Variants in GOSR1 observed in about 807,000 individuals in gnomAD.
GOSR1 encodes 28 kDa Golgi SNARE protein.
In GOSR1, 21 loss-of-function variants were observed where a neutral mutation model predicts 35.5. The observed-to-expected ratio is 0.59, with a 90% CI of 0.42 to 0.85. The LOEUF is 0.85. GOSR1 is among the 40% of genes least tolerant of loss of function. GOSR1 has a pLI of 0.00. For missense variants in GOSR1, 285 were observed against 309.6 expected, an observed-to-expected ratio of 0.92 and a Z score of 0.60; for synonymous variants, 94 against 106.6, an observed-to-expected ratio of 0.88 and a Z score of 0.73.
At chr17:30,487,839 G>A (rs958911771) in intron 4 of GOSR1, among the ~76,000 whole-genome samples, 3 of 151,906 alleles carry the variant, frequency 2.0e-5, no homozygotes, top group African/African-American at 4.8e-5. Context: ...GCAATGGTGC[G>A]ATCTCGGCTC....
intron 6 of GOSR1, among the ~76,000 whole-genome samples, chr17:30,508,199 TAAC>T (rs1967477336): frequency 1.3e-5 from 2 of 152,250 alleles, no homozygotes; most frequent in African/African-American, 4.8e-5. Context: ...TCATTATTCT[TAAC>T]AAAATTAGTA....
intron 6 of GOSR1, among the ~76,000 whole-genome samples, chr17:30,501,102 G>A (rs1162758501): frequency 2.0e-5 from 3 of 151,912 alleles, no homozygotes; most frequent in Non-Finnish European, 4.4e-5. Context: ...GGATGGTCTC[G>A]ATCTCCTGAC....
intron 1 of GOSR1, chr17:30,477,688 T>A: frequency 2.0e-6 from 2 of 985,174 alleles, no homozygotes; most frequent in Middle Eastern, 5.2e-4. Context: ...GGGCAGGGGT[T>A]GGGCAGAGTG....
rs192533474 is a variant in GOSR1 at position 30,490,273 on chromosome 17, T to A, written c.434+56T>A. 12 of 893,832 alleles carry A rather than the reference T, an allele frequency of 1.3e-5. No homozygotes were observed. The Admixed American group carries it at 2.2e-4, about 16-fold the overall frequency. The allele number at this position is 893,832 out of a possible 1,614,324, so 55.4% of individuals were successfully genotyped here. A position where few individuals can be genotyped will look rare whatever the true frequency, so the allele number is the denominator to read the frequency against. On this transcript the variant is annotated intron_variant, in intron 5 of 8. Transcript: ENST00000451249. ...TATTTATTCAGATTTGGCTTTAGGATATGTTCACGGTTAATTGCAAATTGA... is the reference window on the plus strand; with the variant it reads ...TATTTATTCAGATTTGGCTTTAGGAAATGTTCACGGTTAATTGCAAATTGA...
chr17:30,510,642 A>C (rs1967580070), intron 6 of GOSR1: 2 of 278,370 alleles, frequency 7.2e-6, no homozygotes, highest in East Asian at 6.8e-5. Flanking sequence ...TGAACCTAGG[A>C]GGCGGCAGCT....
chr17:30,500,518 A>T (rs1278489595), intron 6 of GOSR1, among the ~76,000 whole-genome samples: 1 of 152,146 alleles, frequency 6.6e-6, no homozygotes, highest in African/African-American at 2.4e-5. Context: ...AAAGATGTTG[A>T]CATCTTTCTA....
At chr17:30,507,993 A>AC (rs557144807) in intron 6 of GOSR1, among the ~76,000 whole-genome samples, 277 of 152,322 alleles carry the variant, frequency 1.8e-3, no homozygotes, top group African/African-American at 6.4e-3. Flanking sequence ...AACAAGCTCT[A>AC]CTGGGGGCAA....
At chr17:30,504,532 CGTAA>C (rs1194684315) in intron 6 of GOSR1, among the ~76,000 whole-genome samples, 1 of 151,990 alleles carries the variant, frequency 6.6e-6, no homozygotes, top group Non-Finnish European at 1.5e-5. Flanking sequence ...AAGTGGGGGG[CGTAA>C]GTGTTTGCTT....
chr17:30,494,837 A>C (rs914914707), intron 6 of GOSR1, among the ~76,000 whole-genome samples: 6 of 150,094 alleles, frequency 4.0e-5, no homozygotes, highest in Non-Finnish European at 5.9e-5. Context: ...TGAACTCCTA[A>C]CTTCAAGAGA....
In GOSR1 at chr17:30,519,020, A is replaced by T. The variant is rs148695056; in HGVS notation, c.540-919A>T. ...CAGGACATCAAGGTAGTCACAGGGA[A>T]GAGATTGTGTTCGACCAAAAGTGAC... On this transcript the variant is annotated intron_variant, in intron 7 of 8. Transcript: ENST00000451249. Among the ~76,000 whole-genome samples the T allele has an allele frequency of 5.8e-4, 88 of 151,660 alleles. 6 individuals are homozygous for T. The East Asian group carries it at 0.017, about 30-fold the overall frequency.
chr17:30,491,773 T>C (rs1915059590), intron 5 of GOSR1, among the ~76,000 whole-genome samples: 1 of 152,254 alleles, frequency 6.6e-6, no homozygotes, highest in African/African-American at 2.4e-5. Flanking sequence ...TATATTTTTT[T>C]GGCCTCATAG....
chr17:30,498,299 T>C (rs993934563), intron 6 of GOSR1, among the ~76,000 whole-genome samples: 3 of 152,048 alleles, frequency 2.0e-5, no homozygotes, highest in African/African-American at 7.2e-5. Context: ...ATGTGGAAAG[T>C]ATTGTGCTGG....
intron 6 of GOSR1, among the ~76,000 whole-genome samples, chr17:30,507,242 G>A (rs1257751817): frequency 6.6e-6 from 1 of 152,206 alleles, no homozygotes; most frequent in Non-Finnish European, 1.5e-5. Flanking sequence ...AAGCCTTCTG[G>A]AAAGGAGTCC....
At chr17:30,503,272 G>T (rs572589914) in intron 6 of GOSR1, among the ~76,000 whole-genome samples, 1 of 152,282 alleles carries the variant, frequency 6.6e-6, no homozygotes, top group African/African-American at 2.4e-5. Flanking sequence ...TGTGTTGGGG[G>T]AAATAAGTTA....
chr17:30,521,069 A>G (rs543177059), intron 8 of GOSR1, among the ~76,000 whole-genome samples: 8 of 151,876 alleles, frequency 5.3e-5, no homozygotes, highest in Non-Finnish European at 1.0e-4. Context: ...TTAAAACACT[A>G]AAGCCTTTCT....
intron 6 of GOSR1, 136 bp from the exon 7 acceptor site, chr17:30,510,744 T>C (rs1225272891): frequency 1.8e-5 from 10 of 551,114 alleles, no homozygotes; most frequent in Admixed American, 6.6e-5. Flanking sequence ...TCCAGAATTT[T>C]CTCCAGATGC....
intron 6 of GOSR1, among the ~76,000 whole-genome samples, chr17:30,505,484 C>G (rs144433095): frequency 3.9e-5 from 6 of 152,276 alleles, no homozygotes; most frequent in African/African-American, 1.4e-4. Flanking sequence ...TTTACAGATA[C>G]TATTTTTTAC....
intron 7 of GOSR1, among the ~76,000 whole-genome samples, chr17:30,512,664 T>C (rs545358019): frequency 2.0e-5 from 3 of 152,356 alleles, no homozygotes; most frequent in Non-Finnish European, 4.4e-5. Flanking sequence ...AATTTCCTTA[T>C]GTTGACTGAA....
intron 7 of GOSR1, among the ~76,000 whole-genome samples, chr17:30,513,699 C>T (rs1180156249): frequency 6.6e-6 from 1 of 152,168 alleles, no homozygotes; most frequent in Non-Finnish European, 1.5e-5. Flanking sequence ...ACCTATGATC[C>T]TAACACTTTG....
Sources: gnomAD v4.1 joint callset for allele counts (sites outside exome capture counted in the v4.1 genomes callset) on GRCh38, gnomAD v4.1.1 for gene constraint, MANE v1.5 for transcripts, NCBI Gene and HGNC (gene_info 2026-07-23, HGNC 2026-07-21) for gene names.